PDE1A: variants seen among roughly 807,000 people sequenced by gnomAD.
PDE1A encodes the protein dual specificity calcium/calmodulin-dependent 3',5'-cyclic nucleotide phosphodiesterase 1A.
Under a neutral mutation model 61.7 loss-of-function variants are expected in PDE1A, and 35 were observed. The observed-to-expected ratio is 0.57, with a 90% CI of 0.43 to 0.75. PDE1A has a LOEUF of 0.75. PDE1A is among the 30% of genes least tolerant of loss of function. The pLI is 0.00. For missense variants in PDE1A, 597 were observed against 630.6 expected, an observed-to-expected ratio of 0.95 and a Z score of 0.57; for synonymous variants, 232 against 213.2, an observed-to-expected ratio of 1.09 and a Z score of -0.77.
chr2:182,658,219 G>A, the PDE1A span, among the ~76,000 whole-genome samples: 11 of 152,170 alleles, frequency 7.2e-5, no homozygotes, highest in Admixed American at 3.3e-4. Flanking sequence ...GAATCAGCAA[G>A]GCTGGTTTCC....
intron 1 of PDE1A, among the ~76,000 whole-genome samples, chr2:182,301,386 G>A (rs1482093327): frequency 6.6e-6 from 1 of 152,138 alleles, no homozygotes; most frequent in Non-Finnish European, 1.5e-5. Context: ...ACATGGCTCT[G>A]AGAACCAAAA....
chr2:182,482,657 C>T (rs537970505), intron 2 of PDE1A, among the ~76,000 whole-genome samples: 9 of 152,064 alleles, frequency 5.9e-5, no homozygotes, highest in East Asian at 5.8e-4. Flanking sequence ...TAGGAGTCTG[C>T]GGAATTCCAG....
At chr2:182,421,336 G>A (rs1272654286) in intron 1 of PDE1A, among the ~76,000 whole-genome samples, 2 of 152,122 alleles carry the variant, frequency 1.3e-5, no homozygotes, top group African/African-American at 4.8e-5. Context: ...TGTAGCTCCT[G>A]AGTGGAAGAC....
intron 2 of PDE1A, among the ~76,000 whole-genome samples, chr2:182,255,535 A>G (rs1346186191): frequency 6.6e-6 from 1 of 152,150 alleles, no homozygotes; most frequent in Non-Finnish European, 1.5e-5. Context: ...TGAGTTTAAA[A>G]TGAAATACCA....
exon 14 of PDE1A, chr2:182,147,042 TG>T (rs1352334324): frequency 7.5e-7 from 1 of 1,329,078 alleles, no homozygotes; most frequent in Non-Finnish European, 1.1e-6. Flanking sequence ...TTACCTCTCA[TG>T]TTTAAAATGA....
At chr2:182,577,740 CA>C in the PDE1A span, among the ~76,000 whole-genome samples, 1 of 152,016 alleles carries the variant, frequency 6.6e-6, no homozygotes, top group East Asian at 1.9e-4. Context: ...GCCAACATAG[CA>C]AAACCCCGTC....
chr2:182,235,619 C>G (rs1295810003), intron 3 of PDE1A, among the ~76,000 whole-genome samples: 1 of 152,178 alleles, frequency 6.6e-6, no homozygotes, highest in East Asian at 1.9e-4. Context: ...CTGAAAGAAA[C>G]ATGTTTCCTC....
chr2:182,452,075 A>G (rs926966155), intron 2 of PDE1A, among the ~76,000 whole-genome samples: 2 of 152,060 alleles, frequency 1.3e-5, no homozygotes, highest in Non-Finnish European at 2.9e-5. Context: ...GAAATATATA[A>G]TATGTCCATT....
intron 1 of PDE1A, among the ~76,000 whole-genome samples, chr2:182,329,912 C>T (rs1023938591): frequency 6.6e-6 from 1 of 152,272 alleles, no homozygotes; most frequent in African/African-American, 2.4e-5. Flanking sequence ...TGTTTTTGCT[C>T]GTTATATTCC....
the PDE1A span, among the ~76,000 whole-genome samples, chr2:182,711,203 C>T: frequency 6.6e-6 from 1 of 152,074 alleles, no homozygotes; most frequent in Non-Finnish European, 1.5e-5. Context: ...GTGGAGTAAA[C>T]AGAGCATCTG....
chr2:182,557,860 C>A, the PDE1A span, among the ~76,000 whole-genome samples: 4 of 152,136 alleles, frequency 2.6e-5, no homozygotes, highest in African/African-American at 4.8e-5. Flanking sequence ...TTGAGCAAAT[C>A]TTACAAATCT....
chr2:182,714,272 C>T, the PDE1A span, among the ~76,000 whole-genome samples: 1 of 152,154 alleles, frequency 6.6e-6, no homozygotes, highest in South Asian at 2.1e-4. Context: ...TGTTAGAATT[C>T]CCCAAGGTTT....
intron 1 of PDE1A, among the ~76,000 whole-genome samples, chr2:182,342,568 A>G (rs1698261266): frequency 6.6e-6 from 1 of 152,204 alleles, no homozygotes; most frequent in Non-Finnish European, 1.5e-5. Context: ...CTGTAGTCCT[A>G]GCTACTCAGG....
the PDE1A span, among the ~76,000 whole-genome samples, chr2:182,627,029 TA>T: frequency 0.014 from 1 of 70 alleles, no homozygotes; most frequent in Non-Finnish European, 0.038. Flanking sequence ...ATATAAAATA[TA>T]AATATATATA....
At chr2:182,494,712 T>A (rs1688604036) in intron 2 of PDE1A, among the ~76,000 whole-genome samples, 2 of 151,944 alleles carry the variant, frequency 1.3e-5, no homozygotes, top group Non-Finnish European at 2.9e-5. Context: ...GCGAAGAATC[T>A]GAAAAGCCTT....
intron 1 of PDE1A, among the ~76,000 whole-genome samples, chr2:182,348,755 T>C (rs750453111): frequency 1.6e-4 from 25 of 151,768 alleles, no homozygotes; most frequent in Middle Eastern, 6.3e-3. Flanking sequence ...TCTCAAAACC[T>C]TACCTTGTGA....
At chr2:182,278,503 C>G (rs1024455923) in intron 1 of PDE1A, among the ~76,000 whole-genome samples, 1 of 151,572 alleles carries the variant, frequency 6.6e-6, no homozygotes, top group Non-Finnish European at 1.5e-5. Flanking sequence ...GTAAAATTTA[C>G]ATTTCTATCA....
intron 1 of PDE1A, among the ~76,000 whole-genome samples, chr2:182,295,057 CTT>C (rs11420821): frequency 0.033 from 1,940 of 58,840 alleles, 3 homozygotes; most frequent in African/African-American, 0.071. Flanking sequence ...AAAAGGTAAT[CTT>C]TTTTTTTTTT....
intron 1 of PDE1A, among the ~76,000 whole-genome samples, chr2:182,326,121 A>ATAT (rs1553583285): frequency 6.6e-5 from 10 of 151,980 alleles, no homozygotes; most frequent in Admixed American, 1.3e-4. Flanking sequence ...GTATATATAT[A>ATAT]TTTTTTAAAA....
Sources: allele counts gnomAD v4.1 joint callset (sites outside exome capture counted in the v4.1 genomes callset), GRCh38; gene constraint gnomAD v4.1.1; transcripts MANE v1.5; gene names NCBI Gene and HGNC (gene_info 2026-07-23, HGNC 2026-07-21).